GPC6: variants seen among roughly 807,000 people sequenced by gnomAD.
GPC6 encodes glypican-6.
Under a neutral mutation model 55.2 loss-of-function variants are expected in GPC6, and 14 were observed. The ratio of observed to expected loss-of-function variants is 0.25; its 90% CI spans 0.17 to 0.40. GPC6 has a LOEUF of 0.40. Among genes scored for constraint, GPC6 ranks in the 10% least tolerant of loss-of-function variants. The pLI, the probability that GPC6 is intolerant of heterozygous loss-of-function variation, is 1.00. For synonymous variants in GPC6, 278 were observed against 259.6 expected, an observed-to-expected ratio of 1.07 and a Z score of -0.68; for missense variants, 641 against 708.5, an observed-to-expected ratio of 0.90 and a Z score of 1.08.
chr13:93,347,882 T>A (rs1310267784), intron 1 of GPC6, among the ~76,000 whole-genome samples: 1 of 152,190 alleles, frequency 6.6e-6, no homozygotes, highest in Non-Finnish European at 1.5e-5. Flanking sequence ...TGAGTCATCC[T>A]GAGATGGACT....
chr13:93,387,086 G>C (rs1410249932), intron 1 of GPC6, among the ~76,000 whole-genome samples: 1 of 151,578 alleles, frequency 6.6e-6, no homozygotes, highest in East Asian at 1.9e-4. Flanking sequence ...CTTTGGAGGA[G>C]AGAATACTAT....
At chr13:94,150,953 G>A (rs1887718440) in intron 4 of GPC6, among the ~76,000 whole-genome samples, 1 of 151,670 alleles carries the variant, frequency 6.6e-6, no homozygotes, top group African/African-American at 2.4e-5. Flanking sequence ...AGGTAAAACT[G>A]TCCAAATATA....
At chr13:94,338,175 A>G (rs1292999707) in intron 6 of GPC6, among the ~76,000 whole-genome samples, 2 of 152,220 alleles carry the variant, frequency 1.3e-5, no homozygotes, top group Non-Finnish European at 2.9e-5. Flanking sequence ...GATGTGGGAG[A>G]TAATCACAGC....
intron 4 of GPC6, among the ~76,000 whole-genome samples, chr13:94,178,284 A>G (rs1030483365): frequency 6.6e-6 from 1 of 152,186 alleles, no homozygotes; most frequent in African/African-American, 2.4e-5. Context: ...GGCATGAGCC[A>G]TCGCACCCGG....
chr13:94,210,206 G>T (rs1208848350), intron 4 of GPC6, among the ~76,000 whole-genome samples: 1 of 149,312 alleles, frequency 6.7e-6, no homozygotes, highest in Non-Finnish European at 1.5e-5. Flanking sequence ...ACCCAGGCTG[G>T]AGTATAGTGG....
chr13:93,805,418 G>A (rs904345074), intron 2 of GPC6, among the ~76,000 whole-genome samples: 3 of 152,092 alleles, frequency 2.0e-5, no homozygotes, highest in Non-Finnish European at 4.4e-5. Flanking sequence ...TGAGCTAAGA[G>A]TTTGAAAGAA....
intron 1 of GPC6, among the ~76,000 whole-genome samples, chr13:93,505,951 G>A (rs944525674): frequency 6.6e-6 from 1 of 152,108 alleles, no homozygotes; most frequent in Non-Finnish European, 1.5e-5. Flanking sequence ...AAATAGACTC[G>A]TTATTCCCAT....
intron 6 of GPC6, among the ~76,000 whole-genome samples, chr13:94,333,286 G>C (rs1877518685): frequency 6.6e-6 from 1 of 152,206 alleles, no homozygotes; most frequent in Admixed American, 6.5e-5. Context: ...ATTAGATGCA[G>C]TCATGGCCAT....
chr13:93,958,179 T>C (rs144423989), intron 3 of GPC6, among the ~76,000 whole-genome samples: 111 of 152,336 alleles, frequency 7.3e-4, no homozygotes, highest in Non-Finnish European at 1.3e-3. Flanking sequence ...GTTTACTCTA[T>C]TGATAGTTTC....
intron 2 of GPC6, among the ~76,000 whole-genome samples, chr13:93,604,634 G>T (rs79384227): frequency 1.3e-5 from 2 of 151,736 alleles, no homozygotes; most frequent in Admixed American, 6.6e-5. Flanking sequence ...TGGAAAAATC[G>T]CAGTATAAGA....
intron 4 of GPC6, among the ~76,000 whole-genome samples, chr13:94,211,561 A>C (rs2138989379): frequency 6.6e-6 from 1 of 152,326 alleles, no homozygotes; most frequent in African/African-American, 2.4e-5. Flanking sequence ...GAAGGGAGTA[A>C]GTTAGCTAGA....
At chr13:93,632,691 C>A (rs934693870) in intron 2 of GPC6, among the ~76,000 whole-genome samples, 1 of 150,428 alleles carries the variant, frequency 6.6e-6, no homozygotes, top group African/African-American at 2.4e-5. Context: ...TGCATATATG[C>A]ACATATATGT....
chr13:94,385,789 T>G (rs974433570), intron 7 of GPC6, among the ~76,000 whole-genome samples: 2 of 152,056 alleles, frequency 1.3e-5, no homozygotes, highest in African/African-American at 4.8e-5. Flanking sequence ...TCAAAGAAAT[T>G]TTTCACTTAA....
intron 2 of GPC6, among the ~76,000 whole-genome samples, chr13:93,560,681 G>T (rs1408855001): frequency 6.6e-6 from 1 of 151,238 alleles, no homozygotes; most frequent in South Asian, 2.1e-4. Flanking sequence ...CTGTGAAACC[G>T]CGTCTGTACT....
At chr13:93,763,828 AT>A (rs5805824) in intron 2 of GPC6, among the ~76,000 whole-genome samples, 91,577 of 149,102 alleles carry the variant, frequency 0.61, 28,224 homozygotes, top group African/African-American at 0.7. Flanking sequence ...CTTCATCTTT[AT>A]TTTTTTTTTT....
At chr13:94,029,930 C>CT in intron 4 of GPC6, among the ~76,000 whole-genome samples, 1 of 151,814 alleles carries the variant, frequency 6.6e-6, no homozygotes, top group Non-Finnish European at 1.5e-5. Flanking sequence ...CTATGTGTTG[C>CT]TGGATGTACT....
Position 94,057,255 on chromosome 13 carries a change from C to G in GPC6, c.877+29361C>G, listed in dbSNP as rs1320994671. Among the ~76,000 whole-genome samples, 2 of 152,108 alleles carry G rather than the reference C, an allele frequency of 1.3e-5. 1 individual carries two copies. Among genetic ancestry groups the G allele is most frequent in the Admixed American group, 1.3e-4 (2 of 15,264 alleles). ...TTGGGAAATAAGAGTGAAATACCAG[C>G]CTACTGTTGCTTACAAGTGTAATCT... On this transcript the variant is annotated intron_variant, in intron 4 of 8. Coordinates refer to ENST00000377047, the MANE Select transcript of GPC6 (RefSeq NM_005708.5).
chr13:94,388,539 A>G (rs927991479), intron 7 of GPC6, among the ~76,000 whole-genome samples: 7 of 152,238 alleles, frequency 4.6e-5, no homozygotes, highest in African/African-American at 1.7e-4. Flanking sequence ...ATTTTGATAC[A>G]TGGCAAGGAT....
chr13:93,276,487 A>T lies in GPC6; in HGVS notation c.160+48871A>T, dbSNP rs1157005503. Among the ~76,000 whole-genome samples the T allele has an allele frequency of 6.5e-4, 88 of 135,864 alleles. 1 individual carries two copies. Among genetic ancestry groups the T allele is most frequent in the Admixed American group, 3.6e-4 (5 of 13,828 alleles). The allele number at this position is 135,864 out of a possible 152,430, so 89.1% of individuals were successfully genotyped here. On this transcript the variant is annotated intron_variant, in intron 1 of 8. Coordinates refer to ENST00000377047, the MANE Select transcript of GPC6 (RefSeq NM_005708.5). ...GAGAGAGAGAGAGAGAGAGAGAGAG[A>T]GAGAGAGAGTGTGTGTGTGTGTGTG...
Sources: allele counts gnomAD v4.1 joint callset (sites outside exome capture counted in the v4.1 genomes callset), GRCh38; gene constraint gnomAD v4.1.1; transcripts MANE v1.5; gene names NCBI Gene and HGNC (gene_info 2026-07-23, HGNC 2026-07-21).